GPC4: variants seen among roughly 807,000 people sequenced by gnomAD.
The protein encoded by GPC4 is glypican-4.
In GPC4, 10 loss-of-function variants were observed where a neutral mutation model predicts 35.0. The observed-to-expected ratio is 0.29, with a 90% CI of 0.18 to 0.48. GPC4 has a LOEUF of 0.48. GPC4 is among the 20% of genes least tolerant of loss of function. GPC4 has a pLI of 0.99. For missense variants in GPC4, 322 were observed against 451.3 expected (o/e 0.71, Z 2.60); for synonymous variants, 167 against 170.2 (o/e 0.98, Z 0.15).
chrX:133,386,658 T>C (rs2068692181), intron 1 of GPC4, among the ~76,000 whole-genome samples: 1 of 111,809 alleles, frequency 8.9e-6, no homozygotes, highest in Non-Finnish European at 1.9e-5. Context: ...AAGGACCATC[T>C]CAATAACTAG....
chrX:133,389,749 CA>C (rs1373790205), intron 1 of GPC4, among the ~76,000 whole-genome samples: 1 of 111,020 alleles, frequency 9.0e-6, no homozygotes, highest in Admixed American at 9.6e-5. Flanking sequence ...CTGTTGTGAC[CA>C]TGAAATATAC....
At chrX:133,325,530 C>T (rs1013567481) in intron 2 of GPC4, among the ~76,000 whole-genome samples, 1 of 111,347 alleles carries the variant, frequency 9.0e-6, no homozygotes, top group South Asian at 3.8e-4. Flanking sequence ...AAAAAACAAG[C>T]CAAAAGTGTA....
chrX:133,318,562 T>G, intron 3 of GPC4, among the ~76,000 whole-genome samples: 1 of 111,963 alleles, frequency 8.9e-6, no homozygotes, highest in African/African-American at 3.2e-5. Context: ...TTCTGTAGTT[T>G]GGGGTGGGGT....
intron 2 of GPC4, among the ~76,000 whole-genome samples, chrX:133,330,952 AAACAAACG>A (rs1417611069): frequency 1.4e-4 from 7 of 51,830 alleles, no homozygotes; most frequent in African/African-American, 1.2e-3. Flanking sequence ...TAAGCAAAAC[AAACAAACG>A]AACAAACAAA....
At chrX:133,401,684 C>T (rs1345813537) in intron 1 of GPC4, among the ~76,000 whole-genome samples, 3 of 111,900 alleles carry the variant, frequency 2.7e-5, no homozygotes, top group Non-Finnish European at 3.8e-5. Flanking sequence ...CCAGAAGAGC[C>T]TCCCAGAATG....
intron 1 of GPC4, among the ~76,000 whole-genome samples, chrX:133,373,654 G>A (rs1345490787): frequency 1.8e-5 from 2 of 111,481 alleles, no homozygotes; most frequent in South Asian, 3.8e-4. Context: ...TGCCAAAAAC[G>A]GGGTTGTAGA....
intron 1 of GPC4, among the ~76,000 whole-genome samples, chrX:133,353,069 C>T (rs1206788943): frequency 8.9e-6 from 1 of 111,870 alleles, no homozygotes; most frequent in East Asian, 2.8e-4. Context: ...ACTACACATT[C>T]AAGTAAGGCC....
chrX:133,380,270 G>A (rs2068654676), intron 1 of GPC4, among the ~76,000 whole-genome samples: 1 of 110,359 alleles, frequency 9.1e-6, no homozygotes, highest in Non-Finnish European at 1.9e-5. Context: ...CCAGGAGGCG[G>A]AGGTTGCAGT....
intron 1 of GPC4, among the ~76,000 whole-genome samples, chrX:133,400,226 A>C (rs2068762518): frequency 8.9e-6 from 1 of 112,194 alleles, no homozygotes; most frequent in Non-Finnish European, 1.9e-5. Context: ...CAAGTGCTCT[A>C]GGACTCATCT....
At chrX:133,400,790 G>T (rs1426567936) in intron 1 of GPC4, among the ~76,000 whole-genome samples, 1 of 110,604 alleles carries the variant, frequency 9.0e-6, no homozygotes, top group Non-Finnish European at 1.9e-5. Flanking sequence ...GTAGGCATTG[G>T]GTATAGGGCA....
rs776766811 is a variant in GPC4 at position 133,399,280 on chromosome X, G to A, written c.160+15526C>T. Among the ~76,000 whole-genome samples, 7 of 111,189 alleles carry A rather than the reference G, an allele frequency of 6.3e-5. No homozygotes were observed. In the South Asian group the frequency reaches 2.8e-3, roughly 44 times the overall value. Reference sequence around the variant, plus strand: ...TGGTACCTTTGCAGACCACCTAGAGGACAGAAAACAACAGTGCAAAGTGAC... The same window carrying A: ...TGGTACCTTTGCAGACCACCTAGAGAACAGAAAACAACAGTGCAAAGTGAC... On this transcript the variant is annotated intron_variant, in intron 1 of 8. Transcript: ENST00000370828.
At chrX:133,392,666 CAA>C (rs141927848) in intron 1 of GPC4, among the ~76,000 whole-genome samples, 1,170 of 72,362 alleles carry the variant, frequency 0.016, 20 homozygotes, top group African/African-American at 0.045. Context: ...AAAAACAAAA[CAA>C]AAAAAAAAAA....
chrX:133,389,105 C>A (rs191013090), intron 1 of GPC4, among the ~76,000 whole-genome samples: 16 of 109,644 alleles, frequency 1.5e-4, no homozygotes, highest in African/African-American at 5.3e-4. Flanking sequence ...TACAGGCGTG[C>A]GCCACTATAC....
chrX:133,344,849 G>A (rs1226109201), intron 1 of GPC4, among the ~76,000 whole-genome samples: 1 of 112,259 alleles, frequency 8.9e-6, no homozygotes, highest in Non-Finnish European at 1.9e-5. Context: ...CTTGGTACTC[G>A]GACTAATTTT....
At chrX:133,327,550 G>A (rs2068399358) in intron 2 of GPC4, among the ~76,000 whole-genome samples, 1 of 109,609 alleles carries the variant, frequency 9.1e-6, no homozygotes, top group Non-Finnish European at 1.9e-5. Flanking sequence ...TAATGAAGAG[G>A]AGAATGATTT....
chrX:133,306,308 T>C (rs1169003186), intron 4 of GPC4, among the ~76,000 whole-genome samples, 154 bp from the exon 5 acceptor site: 1 of 111,782 alleles, frequency 8.9e-6, no homozygotes, highest in African/African-American at 3.3e-5. Context: ...TTTTTATGTC[T>C]ATTTCCCTTA....
rs1280743874 is a variant in GPC4 at position 133,339,262 on chromosome X, T to G, written c.240A>C (p.Lys80Asn). The change falls in exon 2 of 9, where the codon AAA becomes AAC. Residue 80 changes from lysine (K) to asparagine (N), a missense_variant. Lys to Asn is a moderately conservative substitution (Grantham distance 94, BLOSUM62 0). Coordinates refer to ENST00000370828, the MANE Select transcript of GPC4 (RefSeq NM_001448.3). ...CGCTGACCACACTTTTGAAATCATC[T>G]TTACTTTGCAGGCTGTACTTCTCCT... The part of the protein sequence containing the change: ...EMEEKYSLQS[K>N]DDFKSVVSEQ... 3 of 1,209,852 alleles carry G rather than the reference T, an allele frequency of 2.5e-6. No individual in the cohort carries two copies. In the African/African-American group the frequency reaches 5.2e-5, roughly 21 times the overall value.
intron 1 of GPC4, among the ~76,000 whole-genome samples, chrX:133,340,838 A>G (rs900555512): frequency 1.8e-5 from 2 of 111,965 alleles, no homozygotes; most frequent in African/African-American, 6.5e-5. Context: ...GGAGAATGTT[A>G]GTGCCCCCAA....
chrX:133,375,815 T>C (rs1182285810), intron 1 of GPC4, among the ~76,000 whole-genome samples: 1 of 112,250 alleles, frequency 8.9e-6, no homozygotes. Flanking sequence ...CCTTACTTCA[T>C]ACTGTCCATT....
Sources: gnomAD v4.1 joint callset for allele counts (sites outside exome capture counted in the v4.1 genomes callset) on GRCh38, gnomAD v4.1.1 for gene constraint, MANE v1.5 for transcripts, NCBI Gene and HGNC (gene_info 2026-07-23, HGNC 2026-07-21) for gene names.